The following PCDHGB7 variants were observed in gnomAD, a reference collection of about 807,000 sequenced individuals.
PCDHGB7 encodes protocadherin gamma-B7.
PCDHGB7 carries 37 observed loss-of-function variants against 61.4 expected under a neutral mutation model. The ratio of observed to expected loss-of-function variants is 0.60; its 90% CI spans 0.46 to 0.79. The LOEUF is 0.79. Among genes scored for constraint, PCDHGB7 ranks in the 30% least tolerant of loss-of-function variants. The pLI is 0.00. For synonymous variants in PCDHGB7, 464 were observed against 503.5 expected (o/e 0.92, Z 1.05); for missense variants, 1,166 against 1,202.5 (o/e 0.97, Z 0.45).
chr5:141,484,653 C>G (rs2099598614), intron 1 of PCDHGB7, among the ~76,000 whole-genome samples: 1 of 152,036 alleles, frequency 6.6e-6, no homozygotes, highest in Non-Finnish European at 1.5e-5. Flanking sequence ...AATGGCTACT[C>G]TCCCTCTCAG....
intron 1 of PCDHGB7, among the ~76,000 whole-genome samples, chr5:141,488,117 G>A (rs1231303931): frequency 6.6e-6 from 1 of 152,190 alleles, no homozygotes; most frequent in African/African-American, 2.4e-5. Flanking sequence ...GAAACATAGA[G>A]ACAGCAGAAA....
intron 1 of PCDHGB7, chr5:141,427,102 C>T (rs1363595185): frequency 6.6e-6 from 3 of 457,858 alleles, no homozygotes; most frequent in South Asian, 3.1e-5. Flanking sequence ...GGTGTCAATG[C>T]GGAGATCACC....
In PCDHGB7 at chr5:141,432,716, C is replaced by G. The variant is rs1417017747; in HGVS notation, c.2415+12442C>G. ...GGCCGTCCAGGACCACGGCCAGCCC[C>G]CTCTCTCCGCCACTGTCACGCTCAC... On this transcript the variant is annotated intron_variant, in intron 1 of 3. Coordinates refer to ENST00000398594, the MANE Select transcript of PCDHGB7 (RefSeq NM_018927.4). This position sits in a 1 kb window ranked among gnomAD's most constrained non-coding sequence, Gnocchi z 6.0. 5.6e-6 allele frequency: 9 copies of G among 1,613,912 alleles called. No individual in the cohort carries two copies. Among genetic ancestry groups the G allele is most frequent in the Non-Finnish European group, 7.6e-6 (9 of 1,179,990 alleles).
chr5:141,423,501 C>G, intron 1 of PCDHGB7: 1 of 1,613,990 alleles, frequency 6.2e-7, no homozygotes, highest in African/African-American at 1.3e-5. Flanking sequence ...CCCACGAGGT[C>G]TCTCTCATTG....
rs149806642 is a variant in PCDHGB7 at position 141,502,449 on chromosome 5, A to T, written c.2475-2944A>T. 7.7e-3 allele frequency among the ~76,000 whole-genome samples: 1,166 copies of T among 151,886 alleles called. 15 individuals carry two copies. The highest frequency in any genetic ancestry group is 0.027 in the African/African-American group (1,103 of 41,308). On this transcript the variant is annotated intron_variant, in intron 2 of 3. Coordinates refer to ENST00000398594, the MANE Select transcript of PCDHGB7 (RefSeq NM_018927.4). The stretch of plus-strand genomic sequence containing the variant: ...TCTGATGGTTAGATTCAGATTACAC[A>T]CCTTGGTAGGAATACTTCCCGCAGC...
chr5:141,487,477 C>A lies in PCDHGB7; in HGVS notation c.2416-7330C>A, dbSNP rs748435479. On this transcript the variant is annotated intron_variant, in intron 1 of 3. Transcript: ENST00000398594. The surrounding 1 kb of genome is among the most constrained non-coding windows in gnomAD (Gnocchi z 5.0). ...TCAAGTTTGTTGATGTGGGAGGCCA[C>A]TCTCATGGCTGTACACCCTTGGCTT... 1 of 1,614,200 alleles carries A rather than the reference C, an allele frequency of 6.2e-7. No individual in the cohort carries two copies. The highest frequency in any genetic ancestry group is 1.7e-5 in the Admixed American group (1 of 60,030).
rs754836894 is a variant in PCDHGB7, at chr5:141,432,969, C to A, written c.2415+12695C>A. 6.2e-7 allele frequency: 1 copy of A among 1,614,148 alleles called. No individual in the cohort carries two copies. Among genetic ancestry groups the A allele is most frequent in the East Asian group, 2.2e-5 (1 of 44,852 alleles). ...GGAGGCGGCTTGACAGGAGCGCCGG[C>A]GTCGCACTTTGTGGGCGTGGACGGG... is the stretch of plus-strand genomic sequence containing the variant. On this transcript the variant is annotated intron_variant, in intron 1 of 3. Coordinates refer to ENST00000398594, the MANE Select transcript of PCDHGB7 (RefSeq NM_018927.4). This position sits in a 1 kb window ranked among gnomAD's most constrained non-coding sequence, Gnocchi z 6.0.
chr5:141,478,392 A>T, intron 1 of PCDHGB7: 1 of 1,613,560 alleles, frequency 6.2e-7, no homozygotes, highest in East Asian at 2.2e-5. Flanking sequence ...CTTTACCATC[A>T]GGTGTATCTC....
Position 141,486,494 on chromosome 5 carries a change from A to G in PCDHGB7, c.2416-8313A>G, listed in dbSNP as rs375607204. 9.3e-6 allele frequency: 15 copies of G among 1,614,058 alleles called. No individual in the cohort carries two copies. The highest frequency in any genetic ancestry group is 1.3e-5 in the Non-Finnish European group (15 of 1,179,958). ...CCCTCCTCTCAGTACCCACAGAACT[A>G]TTTTCCTCAATATTTCAGATGTGAA... On this transcript the variant is annotated intron_variant, in intron 1 of 3. Transcript: ENST00000398594. The surrounding 1 kb of genome is among the most constrained non-coding windows in gnomAD (Gnocchi z 5.0).
intron 1 of PCDHGB7, among the ~76,000 whole-genome samples, chr5:141,449,589 A>G (rs1196329432): frequency 7.6e-6 from 1 of 131,966 alleles, no homozygotes; most frequent in Non-Finnish European, 1.7e-5. Context: ...ACTCTGTCTC[A>G]AAAAAAAAAA....
chr5:141,434,727 A>C (rs1344107083), intron 1 of PCDHGB7, among the ~76,000 whole-genome samples: 1 of 152,052 alleles, frequency 6.6e-6, no homozygotes. Context: ...CAGGGCTCTC[A>C]GCTCTGAAGG....
chr5:141,439,556 C>A (rs543620281), intron 1 of PCDHGB7, among the ~76,000 whole-genome samples: 1 of 152,268 alleles, frequency 6.6e-6, no homozygotes, highest in East Asian at 1.9e-4. Context: ...CTTCAGGCTG[C>A]AGTTCTAGAG....
intron 1 of PCDHGB7, among the ~76,000 whole-genome samples, chr5:141,484,454 G>A (rs932663778): frequency 6.6e-6 from 1 of 152,212 alleles, no homozygotes; most frequent in African/African-American, 2.4e-5. Context: ...AATTGGCTAC[G>A]TTAATGTGTA....
At chr5:141,483,640 G>T (rs1406049976) in intron 1 of PCDHGB7, among the ~76,000 whole-genome samples, 3 of 144,232 alleles carry the variant, frequency 2.1e-5, no homozygotes, top group Non-Finnish European at 4.5e-5. Flanking sequence ...GTATAGAGGG[G>T]TGTGTGTTTG....
At chr5:141,429,523 A>G (rs1009016050) in intron 1 of PCDHGB7, among the ~76,000 whole-genome samples, 1 of 152,174 alleles carries the variant, frequency 6.6e-6, no homozygotes, top group Non-Finnish European at 1.5e-5. Context: ...CAGAGAAAAA[A>G]GCTTAAAAAA....
At chr5:141,430,084 A>G (rs538721051) in intron 1 of PCDHGB7, among the ~76,000 whole-genome samples, 2 of 152,292 alleles carry the variant, frequency 1.3e-5, no homozygotes, top group Admixed American at 1.3e-4. Context: ...AATATCATGA[A>G]AATTTGATTT....
Position 141,490,156 on chromosome 5 carries a change from G to T in PCDHGB7, c.2416-4651G>T. On this transcript the variant is annotated intron_variant, in intron 1 of 3. Coordinates refer to ENST00000398594, the MANE Select transcript of PCDHGB7 (RefSeq NM_018927.4). The surrounding 1 kb of genome is among the most constrained non-coding windows in gnomAD (Gnocchi z 5.4). ...TAGCAGTGGGGCAATCCATGTGTTG[G>T]GTCCCATAGACTTTGAGGAGTCACG... is the stretch of plus-strand genomic sequence containing the variant. 3.1e-6 allele frequency: 5 copies of T among 1,614,192 alleles called. No individual in the cohort carries two copies. Among genetic ancestry groups the T allele is most frequent in the Non-Finnish European group, 4.2e-6 (5 of 1,180,034 alleles).
chr5:141,465,251 A>T (rs1436627558), intron 1 of PCDHGB7, among the ~76,000 whole-genome samples: 1 of 152,214 alleles, frequency 6.6e-6, no homozygotes, highest in Non-Finnish European at 1.5e-5. Flanking sequence ...GCACTTTTGT[A>T]AGCAATGATA....
chr5:141,422,734 T>A, intron 1 of PCDHGB7: 2 of 1,608,114 alleles, frequency 1.2e-6, no homozygotes, highest in Non-Finnish European at 1.7e-6. Context: ...GGTGCCTCTG[T>A]CCTCCTATGT....
Sources: gnomAD v4.1 joint callset for allele counts (sites outside exome capture counted in the v4.1 genomes callset) on GRCh38, gnomAD v4.1.1 for gene constraint, Gnocchi (gnomAD v3.1) non-coding constraint, MANE v1.5 for transcripts, NCBI Gene and HGNC (gene_info 2026-07-23, HGNC 2026-07-21) for gene names.